Variants in CDH26 observed in about 807,000 individuals in gnomAD.
CDH26 encodes cadherin-like protein 26.
CDH26 carries 83 observed loss-of-function variants against 90.3 expected under a neutral mutation model. The ratio of observed to expected loss-of-function variants is 0.92; its 90% CI spans 0.77 to 1.10. CDH26 has a LOEUF of 1.10. Among genes scored for constraint, CDH26 ranks in the 50% least tolerant of loss-of-function variants. The pLI is 0.00. For missense variants in CDH26, 1,013 were observed against 1,037.6 expected, an observed-to-expected ratio of 0.98 and a Z score of 0.33; for synonymous variants, 397 against 396.3, an observed-to-expected ratio of 1.00 and a Z score of -0.02.
Position 60,030,270 on chromosome 20 carries a change from G to T in CDH26, c.948-961G>T, listed in dbSNP as rs989435961. Reference sequence around the variant, plus strand: ...ATTGAGGATTCATTTTGACTGGAGGGTTTTCCACCTGAGTTCTCCAGAGCC... The same window carrying T: ...ATTGAGGATTCATTTTGACTGGAGGTTTTTCCACCTGAGTTCTCCAGAGCC... On this transcript the variant is annotated intron_variant, in intron 7 of 8. Transcript: ENST00000370991. The surrounding 1 kb of genome is among the most constrained non-coding windows in gnomAD (Gnocchi z 4.0). Among the ~76,000 whole-genome samples the T allele has an allele frequency of 1.3e-5, 2 of 152,142 alleles. No individual in the cohort carries two copies. The highest frequency in any genetic ancestry group is 2.9e-5 in the Non-Finnish European group (2 of 68,020).
At chr20:59,978,457 C>A (rs1294040746) in intron 4 of CDH26, among the ~76,000 whole-genome samples, 1 of 151,390 alleles carries the variant, frequency 6.6e-6, no homozygotes, top group East Asian at 1.9e-4. Flanking sequence ...CTCACTGCAA[C>A]CTCTGCCTCC....
At chr20:60,025,954 G>A (rs2061993422) in intron 7 of CDH26, among the ~76,000 whole-genome samples, 1 of 152,188 alleles carries the variant, frequency 6.6e-6, no homozygotes. Flanking sequence ...TCAATCTACC[G>A]AAATGGACCT....
chr20:59,986,616 T>TACAC (rs3043440), intron 7 of CDH26, among the ~76,000 whole-genome samples: 3,708 of 136,824 alleles, frequency 0.027, 107 homozygotes, highest in African/African-American at 0.065. Flanking sequence ...TAAATCCCCC[T>TACAC]ACACACACAC....
At chr20:59,981,311 G>A (rs2061392699) in intron 4 of CDH26, among the ~76,000 whole-genome samples, 1 of 152,012 alleles carries the variant, frequency 6.6e-6, no homozygotes, top group Admixed American at 6.6e-5. Context: ...GACTTTATAG[G>A]TCAATTTGGA....
At chr20:59,970,919 A>G (rs1365433756) in intron 3 of CDH26, among the ~76,000 whole-genome samples, 7 of 152,190 alleles carry the variant, frequency 4.6e-5, no homozygotes, top group African/African-American at 9.7e-5. Context: ...TCTGGCCACA[A>G]GGAACCCACA....
chr20:59,994,639 C>A (rs1601162293), intron 11 of CDH26, 150 bp downstream of exon 11: 5 of 931,094 alleles, frequency 5.4e-6, no homozygotes, highest in Admixed American at 2.8e-5. Context: ...AAGGATATCC[C>A]TGGATATCCT....
At chr20:60,014,972 T>G (rs551404049), downstream of CDH26, among the ~76,000 whole-genome samples, 241 of 152,346 alleles carry the variant, frequency 1.6e-3, 2 homozygotes, top group South Asian at 0.014. Flanking sequence ...CTTTCTTTTC[T>G]TTATTTAATT....
chr20:59,974,985 G>A (rs1318671306), intron 4 of CDH26, among the ~76,000 whole-genome samples: 1 of 152,088 alleles, frequency 6.6e-6, no homozygotes, highest in East Asian at 1.9e-4. Context: ...GTCTGCCATT[G>A]CCCCAGGGTC....
At chr20:60,017,394 G>A (rs1018398000), downstream of CDH26, among the ~76,000 whole-genome samples, 7 of 151,938 alleles carry the variant, frequency 4.6e-5, no homozygotes, top group African/African-American at 2.4e-5. Context: ...AAATTTACCG[G>A]CATATAGTTG....
At chr20:59,989,247 G>C (rs1467059069) in intron 9 of CDH26, 84 bp downstream of exon 9, 1 of 1,557,128 alleles carries the variant, frequency 6.4e-7, no homozygotes, top group Non-Finnish European at 8.7e-7. Flanking sequence ...AAACCAGCTC[G>C]GCCGGGCGCG....
intron 1 of CDH26, among the ~76,000 whole-genome samples, chr20:59,968,673 AACAAGTTC>A (rs1233309205): frequency 2.6e-5 from 4 of 152,192 alleles, no homozygotes; most frequent in Non-Finnish European, 4.4e-5. Context: ...ATCCTGAATA[AACAAGTTC>A]TACTTCCTGC....
chr20:59,963,934 C>T (rs540642613), intron 1 of CDH26, among the ~76,000 whole-genome samples: 1 of 152,188 alleles, frequency 6.6e-6, no homozygotes, highest in Admixed American at 6.5e-5. Context: ...TCTTTCAAGC[C>T]TGCCACAGAC....
intron 7 of CDH26, among the ~76,000 whole-genome samples, chr20:59,986,659 A>T (rs1253883865): frequency 7.1e-6 from 1 of 140,682 alleles, no homozygotes; most frequent in Non-Finnish European, 1.6e-5. Context: ...ACACACACAC[A>T]CTCAGCTCTC....
At chr20:59,981,422 A>G (rs2061393973) in intron 4 of CDH26, among the ~76,000 whole-genome samples, 1 of 152,106 alleles carries the variant, frequency 6.6e-6, no homozygotes, top group Admixed American at 6.5e-5. Context: ...CAGTGTTTTA[A>G]CATTTTCACT....
At chr20:60,022,670 C>T (rs952765222) in intron 7 of CDH26, among the ~76,000 whole-genome samples, 12 of 152,224 alleles carry the variant, frequency 7.9e-5, no homozygotes, top group Non-Finnish European at 1.8e-4. Flanking sequence ...ATGGTTTCCT[C>T]TCATCAGAGA....
intron 9 of CDH26, among the ~76,000 whole-genome samples, chr20:59,989,453 G>A (rs923793639): frequency 7.9e-5 from 12 of 151,188 alleles, no homozygotes; most frequent in Admixed American, 2.6e-4. Flanking sequence ...GCGTGAACCC[G>A]GGAAGCGGAG....
rs919174799 is a variant in CDH26, at chr20:59,986,947, G to GA, written c.838-498dup. Among the ~76,000 whole-genome samples, 12 of 151,794 alleles carry GA rather than the reference G, an allele frequency of 7.9e-5. 1 individual carries two copies. The highest frequency in any genetic ancestry group is 6.8e-3 in the Middle Eastern group (2 of 294). ...AGCAATGCTCTCAAAAATATGGCTG[G>GA]AAAAAAAATATACCCTCTTATTTTG... On this transcript the variant is annotated intron_variant, in intron 7 of 17. Coordinates refer to ENST00000348616, the MANE Select transcript of CDH26 (RefSeq NM_177980.4).
rs111336064 is a variant in CDH26, at chr20:59,960,394, A to AACACAC, written c.69+1621_69+1626dup. ...ATCAGAATGGAGTTCCTTATGTTAA[A>AACACAC]ACACACACACACACACACACACACA... On this transcript the variant is annotated intron_variant, in intron 1 of 17. Coordinates refer to ENST00000348616, the MANE Select transcript of CDH26 (RefSeq NM_177980.4). Among the ~76,000 whole-genome samples the AACACAC allele has an allele frequency of 4.4e-3, 651 of 148,648 alleles. 5 individuals are homozygous for AACACAC. Among genetic ancestry groups the AACACAC allele is most frequent in the African/African-American group, 0.015 (614 of 40,506 alleles).
chr20:59,969,965 G>C (rs1001422545), intron 2 of CDH26, 117 bp from the exon 3 acceptor site: 5 of 1,434,428 alleles, frequency 3.5e-6, no homozygotes, highest in Non-Finnish European at 2.8e-6. Flanking sequence ...TTCTGGCGAT[G>C]AGAGAATGCA....
Sources: allele counts gnomAD v4.1 joint callset (sites outside exome capture counted in the v4.1 genomes callset), GRCh38; gene constraint gnomAD v4.1.1; non-coding constraint Gnocchi (gnomAD v3.1); transcripts MANE v1.5; gene names NCBI Gene and HGNC (gene_info 2026-07-23, HGNC 2026-07-21).